LRRTM4: variants seen among roughly 807,000 people sequenced by gnomAD.
LRRTM4 encodes the protein leucine rich repeat transmembrane neuronal 4.
In LRRTM4, 25 loss-of-function variants were observed where a neutral mutation model predicts 47.6. The ratio of observed to expected loss-of-function variants is 0.53; its 90% CI spans 0.38 to 0.73. LRRTM4 has a LOEUF of 0.73. Among genes scored for constraint, LRRTM4 ranks in the 30% least tolerant of loss-of-function variants. LRRTM4 has a pLI of 0.00. For synonymous variants in LRRTM4, 311 were observed against 269.5 expected, an observed-to-expected ratio of 1.15 and a Z score of -1.51; for missense variants, 638 against 713.4, an observed-to-expected ratio of 0.89 and a Z score of 1.20.
chr2:76,974,167 TAC>T (rs1205938523), intron 3 of LRRTM4, among the ~76,000 whole-genome samples: 2 of 111,814 alleles, frequency 1.8e-5, no homozygotes, highest in East Asian at 2.2e-4. Context: ...TATATATATA[TAC>T]ATACATATAT....
At chr2:77,279,986 C>A (rs866796224) in intron 3 of LRRTM4, among the ~76,000 whole-genome samples, 1 of 151,972 alleles carries the variant, frequency 6.6e-6, no homozygotes, top group African/African-American at 2.4e-5. Flanking sequence ...GATGTCCATA[C>A]CTAATCTCCA....
intron 3 of LRRTM4, among the ~76,000 whole-genome samples, chr2:77,261,505 C>G (rs1280031730): frequency 2.6e-5 from 4 of 152,056 alleles, no homozygotes; most frequent in African/African-American, 9.7e-5. Flanking sequence ...GAAGATTCCC[C>G]TAGTGTCTCA....
intron 3 of LRRTM4, among the ~76,000 whole-genome samples, chr2:77,492,843 G>A (rs1678219592): frequency 1.3e-5 from 2 of 151,954 alleles, no homozygotes; most frequent in African/African-American, 2.4e-5. Context: ...ATTGAAAATT[G>A]TCCCCTAGAT....
intron 3 of LRRTM4, among the ~76,000 whole-genome samples, chr2:77,111,550 G>A (rs1671249998): frequency 6.6e-6 from 1 of 152,066 alleles, no homozygotes; most frequent in African/African-American, 2.4e-5. Flanking sequence ...ATTGCACACT[G>A]TTATGAGTAG....
At chr2:76,941,974 G>A (rs1029241514) in intron 3 of LRRTM4, among the ~76,000 whole-genome samples, 3 of 152,158 alleles carry the variant, frequency 2.0e-5, no homozygotes, top group Admixed American at 6.6e-5. Context: ...TCCAGCAACT[G>A]TTGCTTCCTG....
At chr2:77,409,987 A>G (rs1208448923) in intron 3 of LRRTM4, among the ~76,000 whole-genome samples, 1 of 152,188 alleles carries the variant, frequency 6.6e-6, no homozygotes, top group Non-Finnish European at 1.5e-5. Context: ...TAAACCTGTC[A>G]TCACCAAACC....
intron 3 of LRRTM4, among the ~76,000 whole-genome samples, chr2:76,779,656 T>A (rs1170144348): frequency 1.3e-5 from 2 of 151,750 alleles, no homozygotes; most frequent in African/African-American, 2.4e-5. Flanking sequence ...TATATGTGTC[T>A]CTGCACGTGA....
intron 3 of LRRTM4, among the ~76,000 whole-genome samples, chr2:76,886,104 G>C (rs1673068873): frequency 6.6e-6 from 1 of 152,058 alleles, no homozygotes; most frequent in Admixed American, 6.5e-5. Context: ...ATCCTGAATA[G>C]AAAATCAAAG....
chr2:76,968,378 A>G (rs1169668303), intron 3 of LRRTM4, among the ~76,000 whole-genome samples: 6 of 138,508 alleles, frequency 4.3e-5, no homozygotes, highest in African/African-American at 1.3e-4. Flanking sequence ...ATATATATAT[A>G]TATATACACA....
At chr2:77,485,531 G>A (rs997583016) in intron 3 of LRRTM4, among the ~76,000 whole-genome samples, 2 of 152,150 alleles carry the variant, frequency 1.3e-5, no homozygotes, top group Non-Finnish European at 2.9e-5. Flanking sequence ...TGAATCCAGA[G>A]AAAAGGCTTT....
intron 3 of LRRTM4, among the ~76,000 whole-genome samples, chr2:77,006,287 C>A (rs926471827): frequency 6.6e-6 from 1 of 152,052 alleles, no homozygotes; most frequent in African/African-American, 2.4e-5. Context: ...TAAGGAATTA[C>A]AATAATTTCG....
At chr2:76,959,319 C>T (rs753657950) in intron 3 of LRRTM4, among the ~76,000 whole-genome samples, 4 of 151,174 alleles carry the variant, frequency 2.6e-5, no homozygotes, top group Non-Finnish European at 5.9e-5. Flanking sequence ...ACCTAGCATG[C>T]CCTTCCTAGA....
chr2:76,922,015 A>G (rs1573317090), intron 3 of LRRTM4, among the ~76,000 whole-genome samples: 1 of 152,154 alleles, frequency 6.6e-6, no homozygotes, highest in South Asian at 2.1e-4. Context: ...CTGTTGACAG[A>G]TTAATTAAAA....
At chr2:77,242,664 A>C (rs1573128743) in intron 3 of LRRTM4, among the ~76,000 whole-genome samples, 1 of 145,280 alleles carries the variant, frequency 6.9e-6, no homozygotes, top group East Asian at 2.0e-4. Flanking sequence ...AACCAAAACA[A>C]AATAAAACCA....
chr2:77,024,181 C>T (rs1678370297), intron 3 of LRRTM4, among the ~76,000 whole-genome samples: 1 of 152,144 alleles, frequency 6.6e-6, no homozygotes, highest in Non-Finnish European at 1.5e-5. Context: ...CCACTGGTCC[C>T]TCCCACAACA....
intron 3 of LRRTM4, among the ~76,000 whole-genome samples, chr2:76,762,931 T>C (rs1673309903): frequency 6.6e-6 from 1 of 152,234 alleles, no homozygotes; most frequent in Non-Finnish European, 1.5e-5. Context: ...TTTTCACTTC[T>C]ATCCCCTTGA....
At chr2:77,485,537 G>T (rs184724142) in intron 3 of LRRTM4, among the ~76,000 whole-genome samples, 8 of 152,286 alleles carry the variant, frequency 5.3e-5, no homozygotes, top group African/African-American at 1.7e-4. Context: ...CAGAGAAAAG[G>T]CTTTAGATAA....
chr2:77,011,534 T>C (rs35599978), intron 3 of LRRTM4, among the ~76,000 whole-genome samples: 1,573 of 21,160 alleles, frequency 0.074, 26 homozygotes, highest in East Asian at 0.26. Flanking sequence ...GAAGCATTTG[T>C]GTGTGTGTGT....
rs70939841 is a variant in LRRTM4, at chr2:77,052,150, CTT to C, written c.1552-303236_1552-303235del. Among the ~76,000 whole-genome samples the C allele has an allele frequency of 3.3e-3, 209 of 63,584 alleles. 1 individual carries two copies. The highest frequency in any genetic ancestry group is 0.019 in the Middle Eastern group (1 of 54). The allele number at this position is 63,584 out of a possible 152,430, so 41.7% of individuals were successfully genotyped here. A position where few individuals can be genotyped will look rare whatever the true frequency, so the allele number is the denominator to read the frequency against. On this transcript the variant is annotated intron_variant, in intron 3 of 3. Transcript: ENST00000409884. ...GCAAAAAAAAATACCGTTACATTTC[CTT>C]TTTTTTTTTTTTTTTTTTTTTGAGA...
Sources: allele counts gnomAD v4.1 joint callset (sites outside exome capture counted in the v4.1 genomes callset), GRCh38; gene constraint gnomAD v4.1.1; transcripts MANE v1.5; gene names NCBI Gene and HGNC (gene_info 2026-07-23, HGNC 2026-07-21).